The following SOX5 variants were observed in gnomAD, a reference collection of about 807,000 sequenced individuals.
SOX5 encodes transcription factor SOX-5.
SOX5 carries 9 observed loss-of-function variants against 92.0 expected under a neutral mutation model. The ratio of observed to expected loss-of-function variants is 0.10; its 90% CI spans 0.06 to 0.17. The LOEUF is 0.17. SOX5 is among the 10% of genes least tolerant of loss of function. SOX5 has a pLI of 1.00. For missense variants in SOX5, 642 were observed against 944.5 expected, an observed-to-expected ratio of 0.68 and a Z score of 4.20; for synonymous variants, 344 against 336.3, an observed-to-expected ratio of 1.02 and a Z score of -0.25.
intron 9 of SOX5, among the ~76,000 whole-genome samples, chr12:23,580,220 C>T (rs1949847606): frequency 6.6e-6 from 1 of 151,840 alleles, no homozygotes; most frequent in African/African-American, 2.4e-5. Context: ...TCTAATGAAA[C>T]CCAGGTTTTT....
intron 1 of SOX5, among the ~76,000 whole-genome samples, chr12:24,479,030 T>G (rs1945687967): frequency 6.6e-6 from 1 of 152,238 alleles, no homozygotes; most frequent in African/African-American, 2.4e-5. Context: ...ATTGACAGTA[T>G]GAATGGATAC....
At chr12:24,551,883 C>T (rs74629434) in intron 1 of SOX5, among the ~76,000 whole-genome samples, 4,159 of 152,260 alleles carry the variant, frequency 0.027, 73 homozygotes, top group Non-Finnish European at 0.043. Context: ...CTGCTCTCTC[C>T]TTCTGTGTGT....
chr12:24,005,908 A>G (rs959453237), intron 4 of SOX5, among the ~76,000 whole-genome samples: 1 of 152,240 alleles, frequency 6.6e-6, no homozygotes, highest in East Asian at 1.9e-4. Context: ...CTGTATATTT[A>G]TTGCAGAAGC....
intron 1 of SOX5, among the ~76,000 whole-genome samples, chr12:24,513,724 G>A (rs1441748283): frequency 2.6e-5 from 4 of 152,164 alleles, no homozygotes; most frequent in Non-Finnish European, 2.9e-5. Flanking sequence ...CCACTCATAT[G>A]CATAGTATTT....
chr12:24,334,729 G>T (rs1254881151), intron 2 of SOX5, among the ~76,000 whole-genome samples: 1 of 152,040 alleles, frequency 6.6e-6, no homozygotes, highest in Non-Finnish European at 1.5e-5. Context: ...ATTAGAAATT[G>T]CCTAAGTGCT....
intron 4 of SOX5, among the ~76,000 whole-genome samples, chr12:24,158,442 A>G (rs1449183949): frequency 1.3e-5 from 2 of 152,004 alleles, no homozygotes; most frequent in Non-Finnish European, 2.9e-5. Context: ...CATATTTGAA[A>G]AAAAGTCTTA....
Position 23,575,718 on chromosome 12 carries a change from G to T in SOX5, c.1285C>A (p.Leu429Ile), listed in dbSNP as rs756883173. ...ALRINSGAGP[L>I]KASVPAALAS... ...AACGCTGCTGGGACAGAGGCTTTGA[G>T]GGGGCCTGCCCCACTGTTTATTCTC... Residue 429 changes from leucine (L) to isoleucine (I), a missense_variant, in exon 10 of 15, where the codon CTC becomes ATC. Transcript: ENST00000451604. 1 of 1,614,140 alleles carries T rather than the reference G, an allele frequency of 6.2e-7. No homozygotes were observed. The highest frequency in any genetic ancestry group is 1.1e-5 in the South Asian group (1 of 91,082).
chr12:23,657,735 T>TC (rs1450353894), intron 7 of SOX5, among the ~76,000 whole-genome samples: 2 of 152,162 alleles, frequency 1.3e-5, no homozygotes, highest in Non-Finnish European at 2.9e-5. Context: ...TATGACAAAC[T>TC]CATATGGTAA....
intron 1 of SOX5, among the ~76,000 whole-genome samples, chr12:24,555,979 G>A (rs931064861): frequency 2.0e-5 from 3 of 152,220 alleles, no homozygotes; most frequent in African/African-American, 7.2e-5. Context: ...CTGACAGTGA[G>A]GAATGCTGAT....
At chr12:24,207,501 C>CA (rs1238019494) in intron 4 of SOX5, among the ~76,000 whole-genome samples, 1 of 151,938 alleles carries the variant, frequency 6.6e-6, no homozygotes, top group African/African-American at 2.4e-5. Flanking sequence ...TTTGATACTT[C>CA]AAAAAAATCC....
intron 11 of SOX5, among the ~76,000 whole-genome samples, chr12:23,551,016 C>G (rs1002447025): frequency 6.6e-6 from 1 of 151,940 alleles, no homozygotes; most frequent in Non-Finnish European, 1.5e-5. Context: ...ACCAGACACA[C>G]ATACACAAAG....
chr12:23,598,516 A>G (rs1952867701), intron 9 of SOX5, among the ~76,000 whole-genome samples: 1 of 145,994 alleles, frequency 6.8e-6, no homozygotes, highest in African/African-American at 2.6e-5. Flanking sequence ...CTCCTGCCTC[A>G]GCCTCCCGAG....
chr12:23,864,314 T>C (rs142085899), intron 2 of SOX5, among the ~76,000 whole-genome samples: 8 of 152,268 alleles, frequency 5.3e-5, no homozygotes, highest in African/African-American at 1.9e-4. Flanking sequence ...ATATTGAAAT[T>C]AGGCCATATA....
intron 10 of SOX5, among the ~76,000 whole-genome samples, chr12:23,565,296 A>G (rs1280012836): frequency 1.3e-5 from 2 of 152,148 alleles, no homozygotes; most frequent in East Asian, 3.8e-4. Context: ...CATGAACAAT[A>G]TTACTCTAGA....
chr12:23,990,419 C>T (rs1950461554), intron 4 of SOX5, among the ~76,000 whole-genome samples: 3 of 152,156 alleles, frequency 2.0e-5, no homozygotes, highest in African/African-American at 7.2e-5. Flanking sequence ...CCATATTTCC[C>T]ATAACTCCCT....
chr12:24,358,025 C>T (rs1955080656), intron 2 of SOX5, among the ~76,000 whole-genome samples: 1 of 152,098 alleles, frequency 6.6e-6, no homozygotes, highest in Non-Finnish European at 1.5e-5. Flanking sequence ...TTGTTCATTA[C>T]CATATTTTCA....
At chr12:23,575,450 C>T (rs1300056649) in intron 10 of SOX5, among the ~76,000 whole-genome samples, 1 of 152,182 alleles carries the variant, frequency 6.6e-6, no homozygotes, top group Non-Finnish European at 1.5e-5. Context: ...ATATAACCTA[C>T]ACAATTAGAT....
At chr12:23,767,238 AC>A (rs2094765301) in intron 3 of SOX5, among the ~76,000 whole-genome samples, 1 of 141,462 alleles carries the variant, frequency 7.1e-6, no homozygotes. Context: ...ACACACACAC[AC>A]ACACACACAT....
intron 2 of SOX5, among the ~76,000 whole-genome samples, chr12:23,871,644 G>A (rs942048063): frequency 4.6e-5 from 7 of 151,680 alleles, no homozygotes; most frequent in Admixed American, 2.0e-4. Context: ...TCTTTTTTCC[G>A]TAAAAATAAA....
Sources: gnomAD v4.1 joint callset for allele counts (sites outside exome capture counted in the v4.1 genomes callset) on GRCh38, gnomAD v4.1.1 for gene constraint, MANE v1.5 for transcripts, NCBI Gene and HGNC (gene_info 2026-07-23, HGNC 2026-07-21) for gene names.